The following ACSM2B variants were observed in gnomAD, a reference collection of about 807,000 sequenced individuals.
The protein encoded by ACSM2B is acyl-CoA synthetase medium chain family member 2B, also known as acyl-coenzyme A synthetase ACSM2B, mitochondrial.
Under a neutral mutation model 78.6 loss-of-function variants are expected in ACSM2B, and 58 were observed. That is an observed-to-expected ratio of 0.74 (90% CI 0.60 to 0.92). The LOEUF is 0.92. Among genes scored for constraint, ACSM2B ranks in the 40% least tolerant of loss-of-function variants. ACSM2B has a pLI of 0.00. For missense variants in ACSM2B, 688 were observed against 711.2 expected (o/e 0.97, Z 0.37); for synonymous variants, 257 against 256.8 (o/e 1.00, Z -0.01).
At chr16:20,575,969 C>A (rs374105526) in intron 1 of ACSM2B, among the ~76,000 whole-genome samples, 12,581 of 134,540 alleles carry the variant, frequency 0.094, 724 homozygotes, top group African/African-American at 0.26. Context: ...AACTACCAGC[C>A]CCCTGTTACC....
intron 1 of ACSM2B, among the ~76,000 whole-genome samples, chr16:20,566,247 TTATATATATATATA>T (rs200052689): frequency 2.2e-3 from 153 of 69,966 alleles, no homozygotes; most frequent in African/African-American, 5.9e-3. Context: ...TCATGGAAGA[TTATATATATATATA>T]TATATATATA....
chr16:20,561,490 C>T (rs1024635093), intron 2 of ACSM2B, among the ~76,000 whole-genome samples: 5 of 151,562 alleles, frequency 3.3e-5, no homozygotes, highest in East Asian at 1.9e-4. Flanking sequence ...TCACTCATAA[C>T]GAAGGGGATG....
chr16:20,556,728 A>C (rs555102949), intron 3 of ACSM2B, among the ~76,000 whole-genome samples: 1 of 152,216 alleles, frequency 6.6e-6, no homozygotes, highest in Non-Finnish European at 1.5e-5. Context: ...CACTCTCAAC[A>C]CTTTGGGATT....
chr16:20,540,670 T>C lies in ACSM2B; in HGVS notation c.1613A>G (p.Tyr538Cys), dbSNP rs2014963330. The change falls in exon 13 of 14, where the codon TAC (tyrosine) becomes TGC (cysteine). Residue 538 changes from tyrosine (Y) to cysteine (C), a missense_variant. Physicochemically the swap from Tyr to Cys is radical, Grantham distance 194. Transcript: ENST00000329697. The stretch of plus-strand genomic sequence containing the variant: ...AGGCCTTACCTTTCTTGGGTACTTG[T>C]ATGGGGCTGTCACTGACTTCACATG... ...QQHVKSVTAP[Y>C]KYPRKIEFVL... 9.9e-6 allele frequency: 16 copies of C among 1,614,042 alleles called. No homozygotes were observed. Among genetic ancestry groups the C allele is most frequent in the Non-Finnish European group, 1.4e-5 (16 of 1,179,956 alleles).
intron 6 of ACSM2B, among the ~76,000 whole-genome samples, chr16:20,548,764 C>G (rs1049438595): frequency 2.6e-5 from 4 of 152,106 alleles, no homozygotes; most frequent in African/African-American, 9.7e-5. Context: ...GACTTGCCCT[C>G]ATTAACACAC....
intron 13 of ACSM2B, among the ~76,000 whole-genome samples, chr16:20,539,828 C>T (rs1329282463): frequency 1.1e-4 from 17 of 151,806 alleles, no homozygotes; most frequent in Non-Finnish European, 2.9e-5. Context: ...GCTGACAGAG[C>T]CACAAAGAAA....
At chr16:20,539,725 G>A (rs1469274617) in intron 13 of ACSM2B, among the ~76,000 whole-genome samples, 1 of 150,608 alleles carries the variant, frequency 6.6e-6, no homozygotes. Context: ...GGTCCAGTGA[G>A]AGTCAACCCA....
Position 20,550,253 on chromosome 16 carries a change from T to G in ACSM2B, c.895-1780A>C, listed in dbSNP as rs368782775. ...AACCATGGCAATGGTTTAAGCAAAA[T>G]GTCTAGAAAAAATGACAAATGTGAG... On this transcript the variant is annotated intron_variant, in intron 6 of 13. Coordinates refer to ENST00000329697, the MANE Select transcript of ACSM2B (RefSeq NM_001105069.2). Among the ~76,000 whole-genome samples the G allele has an allele frequency of 5.6e-3, 846 of 152,184 alleles. 11 individuals are homozygous for G. The highest frequency in any genetic ancestry group is 0.033 in the South Asian group (159 of 4,818).
Position 20,542,957 on chromosome 16 carries a change from A to G in ACSM2B, c.1466T>C (p.Val489Ala). The G allele has an allele frequency of 6.2e-7, 1 of 1,613,700 alleles. No homozygotes were observed. Among genetic ancestry groups the G allele is most frequent in the South Asian group, 1.1e-5 (1 of 91,068 alleles). Reference protein sequence around the residue: ...ENALMKHPAVVETAVISSPDP... With the variant: ...ENALMKHPAVAETAVISSPDP... ...TGGGCTGCTGATCACAGCCGTCTCA[A>G]CCACAGCAGGGTGCTTCATCAGTGC... The change falls in exon 12 of 14, where the codon GTT becomes GCT. Residue 489 changes from valine (V) to alanine (A), a missense_variant. Val to Ala is a moderately conservative substitution (Grantham distance 64). Coordinates refer to ENST00000329697, the MANE Select transcript of ACSM2B (RefSeq NM_001105069.2).
intron 1 of ACSM2B, chr16:20,575,388 A>T (rs1057127442): frequency 1.3e-5 from 2 of 151,386 alleles, no homozygotes; most frequent in Non-Finnish European, 2.9e-5. Context: ...ACACAACTGT[A>T]TATATATATA....
chr16:20,567,986 C>A (rs866930610), intron 1 of ACSM2B, among the ~76,000 whole-genome samples: 2 of 142,344 alleles, frequency 1.4e-5, no homozygotes, highest in Non-Finnish European at 1.5e-5. Flanking sequence ...AAAATATTCA[C>A]GTATTTTTAC....
intron 10 of ACSM2B, among the ~76,000 whole-genome samples, chr16:20,544,107 G>A (rs1355400050): frequency 3.3e-5 from 5 of 152,170 alleles, no homozygotes; most frequent in Admixed American, 6.5e-5. Flanking sequence ...TATCAAATGG[G>A]GAGAAGCCCA....
intron 4 of ACSM2B, chr16:20,554,155 C>G (rs536207553): frequency 1.4e-4 from 93 of 688,302 alleles, no homozygotes; most frequent in African/African-American, 1.2e-3. Context: ...ACTTATTTAA[C>G]TTCTCTGTGT....
chr16:20,545,336 G>A lies in ACSM2B; in HGVS notation c.1180-78C>T, dbSNP rs76942612. ...AATGGCAGCAGGAGATTGCTGAGTT[G>A]GTCAAATGAAAGACTCTCTTGCTCT... On this transcript the variant is annotated intron_variant, in intron 9 of 13. Transcript: ENST00000329697. 7.0e-5 allele frequency: 106 copies of A among 1,512,838 alleles called. 1 individual carries two copies. The East Asian group carries it at 1.3e-3, about 18-fold the overall frequency. 93.7% of individuals were successfully genotyped at this position (1,512,838 alleles called of 1,614,324 possible).
At chr16:20,537,498 C>G in intron 13 of ACSM2B, 136 bp from the exon 14 acceptor site, 1 of 881,176 alleles carries the variant, frequency 1.1e-6, no homozygotes, top group East Asian at 2.5e-5. Context: ...CAATAAGAAG[C>G]TTCAGAAGGT....
chr16:20,556,381 T>C (rs545796263), intron 3 of ACSM2B, among the ~76,000 whole-genome samples: 1 of 152,282 alleles, frequency 6.6e-6, no homozygotes, highest in East Asian at 1.9e-4. Context: ...GAGGGCAGAC[T>C]ATTAGAGGTC....
chr16:20,545,525 T>C (rs971032721), intron 9 of ACSM2B, among the ~76,000 whole-genome samples: 12 of 152,152 alleles, frequency 7.9e-5, no homozygotes, highest in African/African-American at 2.9e-4. Context: ...GATAAAATAA[T>C]AGCCTCCTCT....
rs1209685040 is a variant in ACSM2B, at chr16:20,559,172, A to T, written c.388+65T>A. Reference sequence around the variant, plus strand: ...GACTTCTTTTGAGAGAGGTGGCTGCATTTCTCTGCTATCAGTTTTCTTCAC... The same window carrying T: ...GACTTCTTTTGAGAGAGGTGGCTGCTTTTCTCTGCTATCAGTTTTCTTCAC... On this transcript the variant is annotated intron_variant, in intron 3 of 13. Transcript: ENST00000329697. 4 of 1,499,064 alleles carry T rather than the reference A, an allele frequency of 2.7e-6. No individual in the cohort carries two copies. In the African/African-American group the frequency reaches 5.6e-5, roughly 21 times the overall value. The allele number at this position is 1,499,064 out of a possible 1,614,324, so 92.9% of individuals were successfully genotyped here.
intron 3 of ACSM2B, among the ~76,000 whole-genome samples, chr16:20,557,417 G>T (rs1180437846): frequency 6.8e-6 from 1 of 147,774 alleles, no homozygotes. Context: ...CCCCCCAATT[G>T]CCTGTTAAAT....
Sources: gnomAD v4.1 joint callset for allele counts (sites outside exome capture counted in the v4.1 genomes callset) on GRCh38, gnomAD v4.1.1 for gene constraint, MANE v1.5 for transcripts, NCBI Gene and HGNC (gene_info 2026-07-23, HGNC 2026-07-21) for gene names.